The following TAFA5 variants were observed in gnomAD, a reference collection of about 807,000 sequenced individuals.
TAFA5 encodes chemokine-like protein TAFA-5.
TAFA5 carries 6 observed loss-of-function variants against 15.3 expected under a neutral mutation model. The ratio of observed to expected loss-of-function variants is 0.39; its 90% CI spans 0.21 to 0.77. The LOEUF (loss-of-function observed/expected upper bound fraction) is 0.77. Ranked by LOEUF, TAFA5 falls within the 30% of genes least tolerant of loss-of-function variation. The pLI, the probability that TAFA5 is intolerant of heterozygous loss-of-function variation, is 0.41. For missense variants in TAFA5, 161 were observed against 193.1 expected (o/e 0.83, Z 0.98); for synonymous variants, 103 against 80.7 (o/e 1.28, Z -1.48).
At chr22:48,544,855 C>T in intron 1 of TAFA5, 1 of 471,194 alleles carries the variant, frequency 2.1e-6, no homozygotes, top group Non-Finnish European at 4.4e-6. Flanking sequence ...GTGAGAGAGC[C>T]CTGAGGGATC....
At chr22:48,565,040 T>G (rs1308084047) in intron 1 of TAFA5, among the ~76,000 whole-genome samples, 1 of 152,204 alleles carries the variant, frequency 6.6e-6, no homozygotes, top group Admixed American at 6.5e-5. Flanking sequence ...TGCCTTCTCA[T>G]CCCATGGTAA....
chr22:48,656,824 G>C (rs1351723294), intron 2 of TAFA5, among the ~76,000 whole-genome samples: 2 of 133,164 alleles, frequency 1.5e-5, no homozygotes, highest in Non-Finnish European at 3.1e-5. Flanking sequence ...GAGTGCAGTG[G>C]TGTGATCTCA....
chr22:48,682,602 G>A (rs560512370), intron 2 of TAFA5, among the ~76,000 whole-genome samples: 5 of 152,252 alleles, frequency 3.3e-5, no homozygotes, highest in East Asian at 3.9e-4. Context: ...TAACCCAGAA[G>A]CACAGTCATT....
intron 3 of TAFA5, among the ~76,000 whole-genome samples, chr22:48,724,470 G>C (rs1426597462): frequency 2.6e-5 from 4 of 152,228 alleles, no homozygotes; most frequent in Non-Finnish European, 5.9e-5. Flanking sequence ...GGGCTCCCCT[G>C]CAAGTCCATA....
In TAFA5 at chr22:48,668,888, T is replaced by A. The variant is rs1057420001; in HGVS notation, c.262+22142T>A. Among the ~76,000 whole-genome samples, 5 of 152,188 alleles carry A rather than the reference T, an allele frequency of 3.3e-5. No homozygotes were observed. In the South Asian group the frequency reaches 6.2e-4, roughly 19 times the overall value. ...CTCAGCGTCAGCTCTGGTGGATTAA[T>A]GAAGATGAAAGGGCAGGACCAAGCT... On this transcript the variant is annotated intron_variant, in intron 2 of 3. Transcript: ENST00000402357.
At chr22:48,585,816 C>T (rs775688443) in intron 1 of TAFA5, among the ~76,000 whole-genome samples, 3 of 152,032 alleles carry the variant, frequency 2.0e-5, no homozygotes, top group African/African-American at 7.3e-5. Context: ...ACACACAAAG[C>T]GCAGAAACAC....
intron 1 of TAFA5, among the ~76,000 whole-genome samples, chr22:48,620,414 G>T (rs1326636174): frequency 6.6e-6 from 1 of 152,074 alleles, no homozygotes; most frequent in Non-Finnish European, 1.5e-5. Context: ...CCAGTTTGGA[G>T]TTGGACTTTT....
At chr22:48,515,206 G>A (rs2147103772) in intron 1 of TAFA5, among the ~76,000 whole-genome samples, 1 of 152,116 alleles carries the variant, frequency 6.6e-6, no homozygotes, top group South Asian at 2.1e-4. Flanking sequence ...GCTTGCACAG[G>A]CAGCGTCCTC....
chr22:48,565,411 T>A (rs1263152186), intron 1 of TAFA5, among the ~76,000 whole-genome samples: 1 of 152,210 alleles, frequency 6.6e-6, no homozygotes, highest in Admixed American at 6.5e-5. Flanking sequence ...TGCTCCTGTT[T>A]TAGTTTTGCA....
chr22:48,680,102 T>G (rs1011696749), intron 2 of TAFA5, among the ~76,000 whole-genome samples: 1 of 152,156 alleles, frequency 6.6e-6, no homozygotes, highest in Non-Finnish European at 1.5e-5. Flanking sequence ...CCCCGGTGGG[T>G]GTGGATGGGT....
intron 1 of TAFA5, among the ~76,000 whole-genome samples, chr22:48,599,853 G>GA (rs1420693143): frequency 1.3e-5 from 2 of 152,226 alleles, no homozygotes; most frequent in Non-Finnish European, 2.9e-5. Context: ...CTCCAGTTGA[G>GA]ATGGCCACAG....
chr22:48,516,202 G>A (rs1216998327), intron 1 of TAFA5, among the ~76,000 whole-genome samples: 2 of 152,172 alleles, frequency 1.3e-5, no homozygotes, highest in Non-Finnish European at 2.9e-5. Flanking sequence ...CCACGTGGAG[G>A]CGCCGAGACA....
chr22:48,657,244 A>G (rs1927282612), intron 2 of TAFA5, among the ~76,000 whole-genome samples: 1 of 152,258 alleles, frequency 6.6e-6, no homozygotes, highest in Non-Finnish European at 1.5e-5. Context: ...AAGGGATACT[A>G]TGAACAATTG....
chr22:48,748,979 G>T (rs951103918), intron 3 of TAFA5, among the ~76,000 whole-genome samples: 1 of 152,214 alleles, frequency 6.6e-6, no homozygotes, highest in Non-Finnish European at 1.5e-5. Flanking sequence ...TCTCAGGGCT[G>T]CCTGGGGCCC....
intron 1 of TAFA5, among the ~76,000 whole-genome samples, chr22:48,496,400 C>T (rs1021966973): frequency 2.6e-5 from 4 of 152,048 alleles, no homozygotes; most frequent in Admixed American, 6.5e-5. Context: ...CTTTTGGTCA[C>T]GGCATCTGCT....
At chr22:48,542,489 GTGGTGTGTGTGCGTGTGTGGC>G (rs1922460421) in intron 1 of TAFA5, among the ~76,000 whole-genome samples, 1 of 127,592 alleles carries the variant, frequency 7.8e-6, no homozygotes, top group Non-Finnish European at 1.6e-5. Context: ...TGGTGTGTGT[GTGGTGTGTGTGCGTGTGTGGC>G]ATGTGTGTGT....
intron 1 of TAFA5, chr22:48,546,588 C>T (rs1480629971): frequency 4.2e-5 from 20 of 471,056 alleles, no homozygotes; most frequent in Admixed American, 7.0e-5. Context: ...GTGCATCCAG[C>T]GAGCTTTGGG....
chr22:48,681,468 C>T (rs139387742), intron 2 of TAFA5, among the ~76,000 whole-genome samples: 2,168 of 146,884 alleles, frequency 0.015, 27 homozygotes, highest in Middle Eastern at 0.041. Context: ...CACGGTGAAA[C>T]CCTGTCTCTA....
intron 1 of TAFA5, among the ~76,000 whole-genome samples, chr22:48,616,076 G>A (rs1365029415): frequency 6.6e-6 from 1 of 152,016 alleles, no homozygotes; most frequent in Non-Finnish European, 1.5e-5. Context: ...ACACCGGCCT[G>A]GTGTGCTGAT....
Sources: allele counts gnomAD v4.1 joint callset (sites outside exome capture counted in the v4.1 genomes callset), GRCh38; gene constraint gnomAD v4.1.1; transcripts MANE v1.5; gene names NCBI Gene and HGNC (gene_info 2026-07-23, HGNC 2026-07-21).